Variants in NEB observed in about 807,000 individuals in gnomAD.
NEB encodes the protein nebulin, also known as nemaline myopathy type 2.
In NEB, 512 loss-of-function variants were observed where a neutral mutation model predicts 952.2. That is an observed-to-expected ratio of 0.54 (90% CI 0.50 to 0.58). NEB has a LOEUF of 0.58. Among genes scored for constraint, NEB ranks in the 20% least tolerant of loss-of-function variants. NEB has a pLI of 0.00. For missense variants in NEB, 8,428 were observed against 9,231.1 expected (o/e 0.91, Z 3.56); for synonymous variants, 2,900 against 3,149.8 (o/e 0.92, Z 2.66).
rs1575858801 is a variant in NEB at position 151,674,674 on chromosome 2, G to A, written c.3880-90C>T. ...TGTTCTTTTCCAGACAGAAGTTGAAGGAATCCCTCATAGCACATACTGCTT... is the reference window on the plus strand; with the variant it reads ...TGTTCTTTTCCAGACAGAAGTTGAAAGAATCCCTCATAGCACATACTGCTT... On this transcript the variant is annotated intron_variant, in intron 35 of 181. Transcript: ENST00000397345. The A allele has an allele frequency of 2.9e-5, 28 of 954,510 alleles. 1 individual carries two copies. In the East Asian group the frequency reaches 6.3e-4, roughly 21 times the overall value. 59.1% of individuals were successfully genotyped at this position (954,510 alleles called of 1,614,324 possible). A position where few individuals can be genotyped will look rare whatever the true frequency, so the allele number is the denominator to read the frequency against.
chr2:151,501,031 G>A (rs959373719), intron 168 of NEB, among the ~76,000 whole-genome samples: 1 of 152,160 alleles, frequency 6.6e-6, no homozygotes, highest in Non-Finnish European at 1.5e-5. Context: ...GTGGCTTCAA[G>A]TCCAGTATCT....
chr2:151,668,418 G>C (rs942672772), intron 39 of NEB, among the ~76,000 whole-genome samples: 11 of 152,132 alleles, frequency 7.2e-5, no homozygotes, highest in Admixed American at 5.2e-4. Context: ...GCACAGGAAT[G>C]TATAGTTGGA....
In NEB at chr2:151,733,168, A is replaced by C. The variant is rs759857695; in HGVS notation, c.-12T>G. On this transcript the variant is annotated 5_prime_UTR_variant, in exon 3 of 182. Coordinates refer to ENST00000397345, the MANE Select transcript of NEB (RefSeq NM_001164508.2). ...TCGTCATCTGCCATTTTTCCAGAGT[A>C]GTAGTGGCACCTACAAACTTTTCAT... 6.2e-7 allele frequency: 1 copy of C among 1,602,956 alleles called. No homozygotes were observed. Among genetic ancestry groups the C allele is most frequent in the Non-Finnish European group, 8.5e-7 (1 of 1,174,986 alleles).
intron 103 of NEB, among the ~76,000 whole-genome samples, chr2:151,581,192 C>CA (rs573677087): frequency 0.017 from 3 of 172 alleles, no homozygotes; most frequent in African/African-American, 0.026. Flanking sequence ...AAGGAAAAAG[C>CA]AATGATGGAT....
At chr2:151,533,604 C>T (rs1015438732) in intron 142 of NEB, 58 bp from the exon 143 acceptor site, 91 of 1,100,910 alleles carry the variant, frequency 8.3e-5, no homozygotes, top group Non-Finnish European at 1.1e-4. Flanking sequence ...GAAAAGAACA[C>T]GGCTCTATAT....
chr2:151,487,740 G>A (rs187739126), intron 181 of NEB, among the ~76,000 whole-genome samples: 37 of 152,088 alleles, frequency 2.4e-4, no homozygotes, highest in African/African-American at 8.0e-4. Context: ...TGGCATGTGT[G>A]TTTAAACTTA....
At chr2:151,514,175 C>T (rs968532514) in intron 159 of NEB, 143 bp downstream of exon 159, 6 of 642,082 alleles carry the variant, frequency 9.3e-6, no homozygotes, top group African/African-American at 7.2e-5. Flanking sequence ...TAATGGTTAA[C>T]AATTATGTTG....
chr2:151,675,458 A>G (rs2099352113), intron 34 of NEB, 67 bp from the exon 35 acceptor site: 1 of 1,066,662 alleles, frequency 9.4e-7, no homozygotes, highest in African/African-American at 1.6e-5. Context: ...TTAAAGAGTT[A>G]TTTTTAGCAC....
Position 151,567,420 on chromosome 2 carries a change from C to T in NEB, c.17904G>A (p.Met5968Ile), listed in dbSNP as rs756259392. Reference sequence around the variant, plus strand: ...ACCAAACCAGCTTAGGATCATCTCTCATCGTCGGGACACCAACATAATGAC... The same window carrying T: ...ACCAAACCAGCTTAGGATCATCTCTTATCGTCGGGACACCAACATAATGAC... The part of the protein sequence containing the change: ...QKGHYVGVPT[M>I]RDDPKLVWFE... Residue 5968 changes from methionine to isoleucine, a missense_variant, in exon 114 of 182, where the codon ATG (methionine) becomes ATA (isoleucine). Physicochemically the swap from Met to Ile is conservative, Grantham distance 10. Coordinates refer to ENST00000397345, the MANE Select transcript of NEB (RefSeq NM_001164508.2). 6.2e-7 allele frequency: 1 copy of T among 1,613,688 alleles called. No individual in the cohort carries two copies. Among genetic ancestry groups the T allele is most frequent in the Non-Finnish European group, 8.5e-7 (1 of 1,179,750 alleles).
At chr2:151,539,208 T>G (rs1479479869) in intron 138 of NEB, among the ~76,000 whole-genome samples, 1 of 152,180 alleles carries the variant, frequency 6.6e-6, no homozygotes. Flanking sequence ...TAATTCAGCT[T>G]GGTTCAAATA....
intron 84 of NEB, among the ~76,000 whole-genome samples, chr2:151,606,032 C>G (rs2097694561): frequency 1.1e-5 from 1 of 94,274 alleles, no homozygotes; most frequent in Non-Finnish European, 2.7e-5. Flanking sequence ...GTTGGCCAGG[C>G]TGGTCTCGAA....
chr2:151,568,205 T>C, intron 112 of NEB, 27 bp from the exon 113 acceptor site: 1 of 1,604,562 alleles, frequency 6.2e-7, no homozygotes, highest in Non-Finnish European at 8.5e-7. Flanking sequence ...CCATAAAGGG[T>C]TAAAATGAGG....
rs770159565 is a variant in NEB, at chr2:151,576,213, T to C, written c.16846A>G (p.Thr5616Ala). ...YRTPVVNLKY[T>A]SIVDTPEVVL... ...ACTTCAGGTGTGTCAACAATGCTTG[T>C]GTACTTAAGGTTCACCACAGGCGTC... is the stretch of plus-strand genomic sequence containing the variant. Residue 5616 changes from threonine (T) to alanine (A), a missense_variant, in exon 106 of 182, where the codon ACA (threonine) becomes GCA (alanine). Around this residue, in one of 11 missense-constraint regions of NEB, gnomAD observed 3,374 missense variants for 3,651.5 expected, o/e 0.92. Transcript: ENST00000397345. The C allele has an allele frequency of 1.9e-6, 3 of 1,611,398 alleles. No individual in the cohort carries two copies. Among genetic ancestry groups the C allele is most frequent in the South Asian group, 2.2e-5 (2 of 90,868 alleles).
Position 151,674,495 on chromosome 2 carries a change from C to G in NEB, c.3969G>C (p.Ser1323=), listed in dbSNP as rs933068354. The change falls in exon 36 of 182, where the codon TCG becomes TCC. Residue 1323 remains serine, a synonymous_variant. Transcript: ENST00000397345. ...DAIPITAAKA[S]RNIASDYKYK... ...TACTCACATCACTGGCAATGTTTCT[C>G]GATGCCTTGGCTGCAGTGATGGGAA... The G allele has an allele frequency of 6.2e-7, 1 of 1,613,906 alleles. No homozygotes were observed. Among genetic ancestry groups the G allele is most frequent in the Non-Finnish European group, 8.5e-7 (1 of 1,179,790 alleles).
intron 41 of NEB, 117 bp downstream of exon 41, chr2:151,665,973 T>G: frequency 9.3e-7 from 1 of 1,077,736 alleles, no homozygotes; most frequent in South Asian, 1.7e-5. Context: ...AAACTCTGAG[T>G]TCTGGAGGGA....
At chr2:151,716,060 CT>C in intron 10 of NEB, 1 of 378,446 alleles carries the variant, frequency 2.6e-6, no homozygotes. Context: ...TTGAAAACAC[CT>C]TTTTATTTTT....
At chr2:151,536,243 C>T (rs2093186180) in intron 141 of NEB, among the ~76,000 whole-genome samples, 1 of 152,144 alleles carries the variant, frequency 6.6e-6, no homozygotes, top group Non-Finnish European at 1.5e-5. Context: ...TATTCTGCCT[C>T]CAAGACAGTA....
intron 142 of NEB, among the ~76,000 whole-genome samples, chr2:151,533,869 A>G (rs997607307): frequency 2.0e-5 from 3 of 152,334 alleles, no homozygotes; most frequent in Middle Eastern, 3.4e-3. Context: ...CTTTCCTTCC[A>G]TTAATTTTTG....
chr2:151,620,399 A>G (rs1389378679), intron 72 of NEB, among the ~76,000 whole-genome samples: 2 of 135,246 alleles, frequency 1.5e-5, no homozygotes, highest in African/African-American at 5.5e-5. Context: ...ATATTTAACC[A>G]GAATTTAAAC....
Sources: allele counts gnomAD v4.1 joint callset (sites outside exome capture counted in the v4.1 genomes callset), GRCh38; gene constraint gnomAD v4.1.1; regional missense constraint gnomAD v4.1.1; transcripts MANE v1.5; gene names NCBI Gene and HGNC (gene_info 2026-07-23, HGNC 2026-07-21).